The following ICOS variants were observed in gnomAD, a reference collection of about 807,000 sequenced individuals.
ICOS encodes inducible T cell costimulator.
ICOS carries 15 observed loss-of-function variants against 24.6 expected under a neutral mutation model. The observed-to-expected ratio is 0.61, with a 90% confidence interval of 0.41 to 0.94. The LOEUF is 0.94. Among genes scored for constraint, ICOS ranks in the 40% least tolerant of loss-of-function variants. ICOS has a pLI of 0.00. For missense variants in ICOS, 200 were observed against 233.0 expected (o/e 0.86, Z 0.92); for synonymous variants, 89 against 77.5 (o/e 1.15, Z -0.78).
intron 4 of ICOS, 93 bp downstream of exon 4, chr2:203,957,976 G>A: frequency 2.7e-6 from 2 of 750,684 alleles, no homozygotes. Context: ...TAAAGGAAAG[G>A]AAAACATCTC....
Position 203,959,572 on chromosome 2 carries a change from A to T in ICOS, c.587-14A>T. On this transcript the variant is annotated splice_polypyrimidine_tract_variant and intron_variant, in intron 4 of 4. Transcript: ENST00000316386. ...GAGAGCATTTAGATAATTTATGCTG[A>T]ATTTTTGTTACAGATGTGACCCTAT... The T allele has an allele frequency of 6.2e-7, 1 of 1,612,270 alleles. No homozygotes were observed. The highest frequency in any genetic ancestry group is 1.7e-5 in the Admixed American group (1 of 59,990).
At chr2:203,946,027 A>G (rs926153490) in intron 1 of ICOS, among the ~76,000 whole-genome samples, 1 of 152,184 alleles carries the variant, frequency 6.6e-6, no homozygotes, top group Non-Finnish European at 1.5e-5. Context: ...GTGGGTATTC[A>G]GAGGTGTGGA....
At chr2:203,938,927 C>T (rs945738797) in intron 1 of ICOS, among the ~76,000 whole-genome samples, 4 of 152,116 alleles carry the variant, frequency 2.6e-5, no homozygotes, top group African/African-American at 9.7e-5. Flanking sequence ...AGCAATGATC[C>T]TATTTAAAAT....
intron 1 of ICOS, among the ~76,000 whole-genome samples, chr2:203,938,777 G>A (rs539676011): frequency 6.6e-6 from 1 of 152,214 alleles, no homozygotes; most frequent in East Asian, 1.9e-4. Flanking sequence ...TTTGTATTCT[G>A]GAACAATATT....
At chr2:203,943,959 T>A (rs1321390567) in intron 1 of ICOS, among the ~76,000 whole-genome samples, 1 of 152,140 alleles carries the variant, frequency 6.6e-6, no homozygotes, top group East Asian at 1.9e-4. Flanking sequence ...CCAGATCCCA[T>A]GCAAACGGAA....
intron 1 of ICOS, among the ~76,000 whole-genome samples, chr2:203,941,479 TA>T (rs568979489): frequency 1.2e-4 from 19 of 152,170 alleles, no homozygotes; most frequent in African/African-American, 4.6e-4. Flanking sequence ...TTATTTGGCT[TA>T]AAAAAATTCA....
intron 1 of ICOS, among the ~76,000 whole-genome samples, chr2:203,940,802 G>C (rs1364171113): frequency 6.8e-6 from 1 of 146,818 alleles, no homozygotes; most frequent in Non-Finnish European, 1.5e-5. Context: ...TTTTTTTTTT[G>C]AGGCGGAGTC....
chr2:203,936,854 C>T lies in ICOS; in HGVS notation c.40C>T (p.Arg14Cys), dbSNP rs77411896. Reference protein sequence around the residue: ...GLWYFFLFCLRIKVLTGEING... With the variant: ...GLWYFFLFCLCIKVLTGEING... ...CTGGTATTTCTTTCTCTTCTGCTTG[C>T]GCATTAAAGTTTTAACAGGTAAGTG... Residue 14 changes from arginine (R) to cysteine (C), a missense_variant, in exon 1 of 5, where the codon CGC becomes TGC. Arg to Cys is a radical substitution (Grantham distance 180). Coordinates refer to ENST00000316386, the MANE Select transcript of ICOS (RefSeq NM_012092.4). 2,173 of 1,610,374 alleles carry T rather than the reference C, an allele frequency of 1.3e-3. 28 individuals are homozygous for T. In the African/African-American group the frequency reaches 0.026, roughly 19 times the overall value.
Position 203,960,906 on chromosome 2 carries a change from C to T in ICOS, c.*1307C>T, listed in dbSNP as rs1690168080. On this transcript the variant is annotated 3_prime_UTR_variant, in exon 5 of 5. Transcript: ENST00000316386. ...TGAAGAGCACATATGTGTCAGGGCA[C>T]AATTCCCTCTCATAAAAACCACACA... is the stretch of plus-strand genomic sequence containing the variant. 1 of 152,234 alleles carries T rather than the reference C, an allele frequency of 6.6e-6. No individual in the cohort carries two copies. Among genetic ancestry groups the T allele is most frequent in the South Asian group, 2.1e-4 (1 of 4,830 alleles). 9.4% of individuals were successfully genotyped at this position (152,234 alleles called of 1,614,324 possible). A position where few individuals can be genotyped will look rare whatever the true frequency, so the allele number is the denominator to read the frequency against.
chr2:203,937,752 T>C (rs1382853274), intron 1 of ICOS, among the ~76,000 whole-genome samples: 3 of 152,074 alleles, frequency 2.0e-5, no homozygotes, highest in Non-Finnish European at 4.4e-5. Flanking sequence ...GGCAAAAAAA[T>C]AGACCTTACT....
chr2:203,956,024 AC>A, intron 2 of ICOS, 53 bp downstream of exon 2: 1 of 1,213,940 alleles, frequency 8.2e-7, no homozygotes, highest in Non-Finnish European at 1.2e-6. Context: ...TGTTTTGACA[AC>A]TTTTCTCACT....
chr2:203,959,455 AGT>A (rs34098976), intron 4 of ICOS, 129 bp from the exon 5 acceptor site: 225,168 of 669,964 alleles, frequency 0.34, 21,436 homozygotes, highest in East Asian at 0.48. Flanking sequence ...TGTGTGTGTG[AGT>A]GTGTGTGTGT....
At chr2:203,938,928 T>C (rs755291723) in intron 1 of ICOS, among the ~76,000 whole-genome samples, 10 of 152,234 alleles carry the variant, frequency 6.6e-5, no homozygotes, top group Non-Finnish European at 1.0e-4. Context: ...GCAATGATCC[T>C]ATTTAAAATA....
chr2:203,955,967 T>A lies in ICOS; in HGVS notation c.390T>A (p.Ile130=), dbSNP rs1257110059. ...CTCTTACAGGAGGATATTTGCATATTTATGGTAAGACATTGCTTTCATCTT... is the reference window on the plus strand; with the variant it reads ...CTCTTACAGGAGGATATTTGCATATATATGGTAAGACATTGCTTTCATCTT... ...KVTLTGGYLH[I]YESQLCCQLK... Residue 130 remains isoleucine (I), a synonymous_variant, in exon 2 of 5, where the codon ATT becomes ATA. Coordinates refer to ENST00000316386, the MANE Select transcript of ICOS (RefSeq NM_012092.4). 1.4e-5 allele frequency: 23 copies of A among 1,601,346 alleles called. No individual in the cohort carries two copies. Among genetic ancestry groups the A allele is most frequent in the Non-Finnish European group, 2.0e-5 (23 of 1,169,640 alleles).
At position 203,960,492 on chromosome 2, in the gene ICOS, G is replaced by A. The variant is rs994448420; in HGVS notation, c.*893G>A. 6.6e-6 allele frequency: 1 copy of A among 152,132 alleles called. No individual in the cohort carries two copies. Among genetic ancestry groups the A allele is most frequent in the South Asian group, 2.1e-4 (1 of 4,826 alleles). The allele number at this position is 152,132 out of a possible 1,614,324, so 9.4% of individuals were successfully genotyped here. On this transcript the variant is annotated 3_prime_UTR_variant, in exon 5 of 5. Coordinates refer to ENST00000316386, the MANE Select transcript of ICOS (RefSeq NM_012092.4). ...TAGGAAACATTGCCCGGAATTGAAA[G>A]CAAATTTATTTTATTATCCTATTTT...
chr2:203,954,910 A>G (rs1225650701), intron 1 of ICOS, among the ~76,000 whole-genome samples: 4 of 149,826 alleles, frequency 2.7e-5, no homozygotes, highest in Non-Finnish European at 4.4e-5. Flanking sequence ...AAATATATAT[A>G]CAATTATTCA....
chr2:203,955,772 C>T lies in ICOS; in HGVS notation c.195C>T (p.Leu65=), dbSNP rs761713858. ...AAGGGGGGCAAATACTCTGCGATCTCACTAAGACAAAAGGAAGTGGAAACA... is the reference window on the plus strand; with the variant it reads ...AAGGGGGGCAAATACTCTGCGATCTTACTAAGACAAAAGGAAGTGGAAACA... ...LLKGGQILCD[L]TKTKGSGNTV... is the part of the protein sequence containing the mutation. The change falls in exon 2 of 5, where the codon CTC becomes CTT. Residue 65 remains leucine, a synonymous_variant. Transcript: ENST00000316386. The T allele has an allele frequency of 1.9e-6, 3 of 1,613,632 alleles. No individual in the cohort carries two copies. The highest frequency in any genetic ancestry group is 2.5e-6 in the Non-Finnish European group (3 of 1,179,778).
chr2:203,955,987 C>T lies in ICOS; in HGVS notation c.394+16C>T. The T allele has an allele frequency of 6.4e-7, 1 of 1,552,522 alleles. No individual in the cohort carries two copies. ...CATATTTATGGTAAGACATTGCTTT[C>T]ATCTTCCAAACTTAAGAGTATATAT... On this transcript the variant is annotated intron_variant, in intron 2 of 4. Coordinates refer to ENST00000316386, the MANE Select transcript of ICOS (RefSeq NM_012092.4).
At chr2:203,957,681 T>C in intron 3 of ICOS, 118 bp from the exon 4 acceptor site, 1 of 775,136 alleles carries the variant, frequency 1.3e-6, no homozygotes, top group Non-Finnish European at 2.3e-6. Context: ...GCCAGGAACC[T>C]AAGTCACATT....
Sources: gnomAD v4.1 joint callset for allele counts (sites outside exome capture counted in the v4.1 genomes callset) on GRCh38, gnomAD v4.1.1 for gene constraint, MANE v1.5 for transcripts, NCBI Gene and HGNC (gene_info 2026-07-23, HGNC 2026-07-21) for gene names.